Variants in ZNF48 observed in about 807,000 individuals in gnomAD.
ZNF48 encodes zinc finger protein 48.
In ZNF48, 20 loss-of-function variants were observed where a neutral mutation model predicts 40.0. The observed-to-expected ratio is 0.50, with a 90% CI of 0.35 to 0.73. The LOEUF is 0.73. Among genes scored for constraint, ZNF48 ranks in the 30% least tolerant of loss-of-function variants. The pLI is 0.01. For synonymous variants in ZNF48, 298 were observed against 329.7 expected (o/e 0.90, Z 1.04); for missense variants, 726 against 851.9 (o/e 0.85, Z 1.84).
intron 1 of ZNF48, among the ~76,000 whole-genome samples, chr16:30,389,816 GTTTTTTTT>G (rs56373430): frequency 9.3e-3 from 208 of 22,486 alleles, no homozygotes; most frequent in Non-Finnish European, 0.017. Context: ...ATTTGGATTA[GTTTTTTTT>G]TTTTTTTTTT....
intron 1 of ZNF48, among the ~76,000 whole-genome samples, chr16:30,389,041 A>T (rs1314042956): frequency 6.6e-6 from 1 of 152,012 alleles, no homozygotes; most frequent in Non-Finnish European, 1.5e-5. Flanking sequence ...CAGGCGGATC[A>T]TGAGATCAGG....
Position 30,399,295 on chromosome 16 carries a change from A to G in ZNF48, c.*188A>G, listed in dbSNP as rs997373938. 2 of 615,734 alleles carry G rather than the reference A, an allele frequency of 3.2e-6. No individual in the cohort carries two copies. Among genetic ancestry groups the G allele is most frequent in the Non-Finnish European group, 2.7e-6 (1 of 371,160 alleles). The allele number at this position is 615,734 out of a possible 1,614,324, so 38.1% of individuals were successfully genotyped here. A position where few individuals can be genotyped will look rare whatever the true frequency, so the allele number is the denominator to read the frequency against. On this transcript the variant is annotated 3_prime_UTR_variant, in exon 3 of 3. Transcript: ENST00000613509. The stretch of plus-strand genomic sequence containing the variant: ...GAAACTGTCCTGGCTGGGCTGAGTC[A>G]GGACCTTGCCAGGACGGGCTGTACC...
In ZNF48 at chr16:30,395,760, C is replaced by T. The variant is rs1039002176; in HGVS notation, c.-15-20C>T. The T allele has an allele frequency of 2.0e-6, 3 of 1,475,296 alleles. No individual in the cohort carries two copies. Among genetic ancestry groups the T allele is most frequent in the Middle Eastern group, 2.0e-4 (1 of 4,960 alleles). The allele number at this position is 1,475,296 out of a possible 1,614,324, so 91.4% of individuals were successfully genotyped here. A position where few individuals can be genotyped will look rare whatever the true frequency, so the allele number is the denominator to read the frequency against. ...CACATGGCTGCGTGACCGCGGGATG[C>T]TGTCTGTCCCCTTGCTCAGGGCGGC... On this transcript the variant is annotated intron_variant, in intron 1 of 2. Coordinates refer to ENST00000613509, the MANE Select transcript of ZNF48 (RefSeq NM_001214909.2). This position sits in a 1 kb window ranked among gnomAD's most constrained non-coding sequence, Gnocchi z 5.9.
chr16:30,379,010 G>A (rs777791430), intron 1 of ZNF48: 2 of 1,612,228 alleles, frequency 1.2e-6, no homozygotes, highest in South Asian at 2.2e-5. Flanking sequence ...GTCCGCCCCG[G>A]GTCTCACCTG....
In ZNF48 at chr16:30,382,418, C is replaced by A; in HGVS notation, c.-16+4008C>A. 1 of 1,571,824 alleles carries A rather than the reference C, an allele frequency of 6.4e-7. No individual in the cohort carries two copies. The highest frequency in any genetic ancestry group is 8.7e-7 in the Non-Finnish European group (1 of 1,149,228). On this transcript the variant is annotated intron_variant, in intron 1 of 2. Coordinates refer to the ZNF48 transcript ENST00000528032. The surrounding 1 kb of genome is among the most constrained non-coding windows in gnomAD (Gnocchi z 4.8). ...CTGCTGGCAATGGCAGGCAGGGTCC[C>A]CAGGATCACTTGAGTTCCTGGGCTA...
upstream of ZNF48, among the ~76,000 whole-genome samples, chr16:30,393,938 G>C (rs917726991): frequency 2.0e-5 from 3 of 150,524 alleles, no homozygotes; most frequent in African/African-American, 7.3e-5. Flanking sequence ...GGCTGGTTTC[G>C]AACTAGTGGC....
In ZNF48 at chr16:30,399,445, T is replaced by G; in HGVS notation, c.*338T>G. Reference sequence around the variant, plus strand: ...GCCTCATCTGTTAAGAACTGACACTTTCCCCTTGCTGGGCAGGTAGTACAC... The same window carrying G: ...GCCTCATCTGTTAAGAACTGACACTGTCCCCTTGCTGGGCAGGTAGTACAC... On this transcript the variant is annotated 3_prime_UTR_variant, in exon 3 of 3. Coordinates refer to ENST00000613509, the MANE Select transcript of ZNF48 (RefSeq NM_001214909.2). 1.0e-5 allele frequency: 2 copies of G among 199,268 alleles called. No individual in the cohort carries two copies. The highest frequency in any genetic ancestry group is 2.0e-5 in the Non-Finnish European group (2 of 97,812). The allele number at this position is 199,268 out of a possible 1,614,324, so 12.3% of individuals were successfully genotyped here. A position where few individuals can be genotyped will look rare whatever the true frequency, so the allele number is the denominator to read the frequency against.
chr16:30,387,194 T>A (rs1345382940), intron 1 of ZNF48, among the ~76,000 whole-genome samples: 6 of 147,290 alleles, frequency 4.1e-5, no homozygotes, highest in Non-Finnish European at 9.0e-5. Flanking sequence ...CCGCCCGCCT[T>A]GGCCTCCCAA....
chr16:30,395,838 C>A lies in ZNF48; in HGVS notation c.44C>A (p.Pro15Gln). The stretch of plus-strand genomic sequence containing the variant: ...CCTTGGGGCCCAGATCTCCACCGCC[C>A]GGAGGAGAGGGAGCCACAGAGAGGC... ...VEPWGPDLHR[P>Q]EEREPQRGAR... Residue 15 changes from proline (P) to glutamine (Q), a missense_variant, in exon 2 of 3, where the codon CCG (proline) becomes CAG (glutamine). Around this residue, in one of 5 missense-constraint regions of ZNF48, gnomAD observed 151 missense variants for 162.3 expected, o/e 0.93. Coordinates refer to ENST00000613509, the MANE Select transcript of ZNF48 (RefSeq NM_001214909.2). This position sits in a 1 kb window ranked among gnomAD's most constrained non-coding sequence, Gnocchi z 5.9. 1 of 1,549,602 alleles carries A rather than the reference C, an allele frequency of 6.5e-7. No homozygotes were observed. The highest frequency in any genetic ancestry group is 2.4e-5 in the East Asian group (1 of 41,516).
In ZNF48 at chr16:30,382,467, A is replaced by G; in HGVS notation, c.-16+4057A>G. 3 of 1,575,684 alleles carry G rather than the reference A, an allele frequency of 1.9e-6. No homozygotes were observed. The South Asian group carries it at 3.4e-5, about 18-fold the overall frequency. ...TAGGAAGAGTCAGTGGGGTCTGGGG[A>G]CCCCAGGCATGGGGGCTGGGGGCCG... On this transcript the variant is annotated intron_variant, in intron 1 of 2. Transcript: ENST00000528032. This position sits in a 1 kb window ranked among gnomAD's most constrained non-coding sequence, Gnocchi z 4.8.
In ZNF48 at chr16:30,381,692, G is replaced by A; in HGVS notation, c.-16+3282G>A. The A allele has an allele frequency of 6.3e-7, 1 of 1,595,266 alleles. No homozygotes were observed. Among genetic ancestry groups the A allele is most frequent in the East Asian group, 2.2e-5 (1 of 44,760 alleles). On this transcript the variant is annotated intron_variant, in intron 1 of 2. Coordinates refer to the ZNF48 transcript ENST00000528032. The surrounding 1 kb of genome is among the most constrained non-coding windows in gnomAD (Gnocchi z 4.3). ...TGAGATAGGGAGCCAGCACAAACCA[G>A]TCCTGTAACTCTCCAGGGAGTCGCC...
intron 1 of ZNF48, among the ~76,000 whole-genome samples, chr16:30,390,218 T>C (rs995188152): frequency 2.8e-4 from 43 of 152,096 alleles, no homozygotes; most frequent in African/African-American, 1.0e-3. Context: ...TAGACATTAA[T>C]TCAAGTTCAG....
At position 30,399,043 on chromosome 16, in the gene ZNF48, C is replaced by T; in HGVS notation, c.1793C>T (p.Pro598Leu). ...KHQRGHLVLT[P>L]FGIGDGRARP... ...CAGCGTGGGCACCTGGTCCTGACGC[C>T]CTTTGGGATAGGGGATGGTAGGGCA... The change falls in exon 3 of 3, where the codon CCC becomes CTC. Residue 598 changes from proline (P) to leucine (L), a missense_variant. Pro to Leu is a moderately conservative substitution (Grantham distance 98). This residue lies in a region of ZNF48 where 166 missense variants were observed against 163.6 expected (regional missense o/e 1.01). Coordinates refer to ENST00000613509, the MANE Select transcript of ZNF48 (RefSeq NM_001214909.2). The T allele has an allele frequency of 6.2e-7, 1 of 1,612,736 alleles. No homozygotes were observed. Among genetic ancestry groups the T allele is most frequent in the Non-Finnish European group, 8.5e-7 (1 of 1,179,360 alleles).
intron 1 of ZNF48, chr16:30,379,462 G>A (rs374177132): frequency 1.2e-6 from 2 of 1,613,580 alleles, no homozygotes; most frequent in Non-Finnish European, 8.5e-7. Flanking sequence ...GAGTAGCGGC[G>A]TCCCCTCACC....
chr16:30,384,214 C>G (rs2049882059), intron 1 of ZNF48, among the ~76,000 whole-genome samples: 2 of 148,946 alleles, frequency 1.3e-5, no homozygotes. Context: ...GACCCTATCT[C>G]AAACAAACAA....
chr16:30,390,118 G>A (rs1433742307), intron 1 of ZNF48, among the ~76,000 whole-genome samples: 1 of 151,896 alleles, frequency 6.6e-6, no homozygotes, highest in East Asian at 1.9e-4. Context: ...ACTATGCCCA[G>A]CCCGTATTAG....
At chr16:30,390,440 C>T (rs1024921015), upstream of ZNF48, among the ~76,000 whole-genome samples, 8 of 151,962 alleles carry the variant, frequency 5.3e-5, no homozygotes, top group African/African-American at 1.9e-4. Context: ...GTCGGAGTCT[C>T]GCTCTGTCGC....
In ZNF48 at chr16:30,399,881, G is replaced by A. The variant is rs2050034942; in HGVS notation, c.*774G>A. 1 of 152,300 alleles carries A rather than the reference G, an allele frequency of 6.6e-6. No individual in the cohort carries two copies. Among genetic ancestry groups the A allele is most frequent in the Admixed American group, 6.5e-5 (1 of 15,280 alleles). 9.4% of individuals were successfully genotyped at this position (152,300 alleles called of 1,614,324 possible). A position where few individuals can be genotyped will look rare whatever the true frequency, so the allele number is the denominator to read the frequency against. Reference sequence around the variant, plus strand: ...CAAGCCCAAGTCCTGGTGGATAGCAGAGGCCAGCTGTTTGGGAAAAGGGCA... The same window carrying A: ...CAAGCCCAAGTCCTGGTGGATAGCAAAGGCCAGCTGTTTGGGAAAAGGGCA... On this transcript the variant is annotated 3_prime_UTR_variant, in exon 3 of 3. Transcript: ENST00000613509.
intron 1 of ZNF48, among the ~76,000 whole-genome samples, chr16:30,389,816 GTTTTTTTTTT>G (rs56373430): frequency 6.0e-3 from 135 of 22,500 alleles, no homozygotes; most frequent in Non-Finnish European, 0.011. Context: ...ATTTGGATTA[GTTTTTTTTTT>G]TTTTTTTTTT....
Sources: allele counts gnomAD v4.1 joint callset (sites outside exome capture counted in the v4.1 genomes callset), GRCh38; gene constraint gnomAD v4.1.1; regional missense constraint gnomAD v4.1.1; non-coding constraint Gnocchi (gnomAD v3.1); transcripts MANE v1.5; gene names NCBI Gene and HGNC (gene_info 2026-07-23, HGNC 2026-07-21).